The following MAST4 variants were observed in gnomAD, a reference collection of about 807,000 sequenced individuals.
MAST4 encodes microtubule associated serine/threonine kinase family member 4, also known as microtubule-associated serine/threonine-protein kinase 4.
Under a neutral mutation model 162.7 loss-of-function variants are expected in MAST4, and 89 were observed. The observed-to-expected ratio is 0.55, with a 90% confidence interval of 0.46 to 0.65. The LOEUF is 0.65. Among genes scored for constraint, MAST4 ranks in the 30% least tolerant of loss-of-function variants. The pLI, the probability that MAST4 is intolerant of heterozygous loss-of-function variation, is 0.00. For synonymous variants in MAST4, 1,479 were observed against 1,361.1 expected, an observed-to-expected ratio of 1.09 and a Z score of -1.91; for missense variants, 3,153 against 3,374.0, an observed-to-expected ratio of 0.93 and a Z score of 1.62.
Position 67,169,543 on chromosome 5 carries a change from A to G in MAST4, c.*2492A>G, listed in dbSNP as rs1029975974. On this transcript the variant is annotated 3_prime_UTR_variant, in exon 29 of 29. Transcript: ENST00000403625. ...ATAATTGTTGTATATTGAACAAAAT[A>G]TTTATACTTATGCAGTTGCATAACA... 28 of 152,372 alleles carry G rather than the reference A, an allele frequency of 1.8e-4. No individual in the cohort carries two copies. The highest frequency in any genetic ancestry group is 6.0e-4 in the African/African-American group (25 of 41,580). The allele number at this position is 152,372 out of a possible 1,614,324, so 9.4% of individuals were successfully genotyped here.
chr5:66,606,494 C>A (rs539765118), intron 1 of MAST4, among the ~76,000 whole-genome samples: 2 of 152,222 alleles, frequency 1.3e-5, no homozygotes, highest in Admixed American at 6.5e-5. Context: ...AAGTAGTTAT[C>A]TTGATTTCTC....
At chr5:67,084,089 C>T (rs183116123) in intron 5 of MAST4, among the ~76,000 whole-genome samples, 29 of 152,304 alleles carry the variant, frequency 1.9e-4, no homozygotes, top group African/African-American at 6.7e-4. Flanking sequence ...TCCAGAGAAA[C>T]AGCTTCATGA....
intron 5 of MAST4, among the ~76,000 whole-genome samples, chr5:67,073,617 A>T: frequency 6.6e-6 from 1 of 152,318 alleles, no homozygotes; most frequent in Admixed American, 6.5e-5. Context: ...AGTGAGTTGG[A>T]CCTGACCTAC....
chr5:67,085,382 A>C (rs1213506200), intron 5 of MAST4, among the ~76,000 whole-genome samples: 2 of 152,172 alleles, frequency 1.3e-5, no homozygotes, highest in Admixed American at 6.5e-5. Context: ...CTTAAAGCCC[A>C]CTGGCCACAG....
intron 10 of MAST4, among the ~76,000 whole-genome samples, chr5:67,107,993 C>T (rs1249022915): frequency 6.6e-6 from 1 of 152,292 alleles, no homozygotes; most frequent in South Asian, 2.1e-4. Context: ...ATGGGCTAAT[C>T]GTGTCTTTAT....
chr5:66,988,994 A>G (rs994816657), intron 4 of MAST4, among the ~76,000 whole-genome samples: 1 of 152,242 alleles, frequency 6.6e-6, no homozygotes. Context: ...ACAAAAACGT[A>G]TTTGAAAATA....
At chr5:66,986,432 G>A in intron 4 of MAST4, 2 of 1,547,104 alleles carry the variant, frequency 1.3e-6, no homozygotes, top group Non-Finnish European at 1.8e-6. Flanking sequence ...CTTTTTCTCT[G>A]TTTATTTTTA....
intron 1 of MAST4, among the ~76,000 whole-genome samples, chr5:66,611,454 G>A (rs1432547025): frequency 6.6e-6 from 1 of 152,228 alleles, no homozygotes; most frequent in Non-Finnish European, 1.5e-5. Context: ...CTCCTCTCAT[G>A]AGAGGGTTAA....
At chr5:66,601,684 G>A (rs1742558749) in intron 1 of MAST4, among the ~76,000 whole-genome samples, 1 of 151,686 alleles carries the variant, frequency 6.6e-6, no homozygotes. Flanking sequence ...TGAGTTGTTA[G>A]GTGTGGAGGA....
rs1455457027 is a variant in MAST4, at chr5:67,136,634, A to G, written c.2464A>G (p.Arg822Gly). Reference protein sequence around the residue: ...DAQDLITLLLRQNPLERLGTG... With the variant: ...DAQDLITLLLGQNPLERLGTG... ...CCAGGATCTGATTACCTTACTCCTC[A>G]GGCAGAATCCCCTGGAGAGGCTGGG... The change falls in exon 19 of 29, where the codon AGG becomes GGG. Residue 822 changes from arginine to glycine, a missense_variant. By Grantham distance (125) the Arg-to-Gly change is moderately radical. Transcript: ENST00000403625. 2 of 1,603,040 alleles carry G rather than the reference A, an allele frequency of 1.2e-6. No individual in the cohort carries two copies. The highest frequency in any genetic ancestry group is 1.3e-5 in the African/African-American group (1 of 74,752).
intron 3 of MAST4, among the ~76,000 whole-genome samples, chr5:66,875,112 T>C (rs1196168471): frequency 6.6e-6 from 1 of 152,210 alleles, no homozygotes; most frequent in East Asian, 1.9e-4. Context: ...TTCTGGATGG[T>C]AATTAACACC....
rs759939217 is a variant in MAST4, at chr5:67,149,397, T to G, written c.3103T>G (p.Phe1035Val). 4 of 1,612,316 alleles carry G rather than the reference T, an allele frequency of 2.5e-6. No homozygotes were observed. The Admixed American group carries it at 5.0e-5, about 20-fold the overall frequency. ...CCTTCTTCTTTGTACAGTTGGCAGTTTTTCAGAGCACTTGGATCAGATAAA... is the reference window on the plus strand; with the variant it reads ...CCTTCTTCTTTGTACAGTTGGCAGTGTTTCAGAGCACTTGGATCAGATAAA... ...ISSSTLSVGS[F>V]SEHLDQINGR... The change falls in exon 24 of 29, where the codon TTT becomes GTT. Residue 1035 changes from phenylalanine to valine, a missense_variant. Around this residue, in one of 7 missense-constraint regions of MAST4, gnomAD observed 619 missense variants for 744.2 expected, o/e 0.83. Coordinates refer to ENST00000403625, the MANE Select transcript of MAST4 (RefSeq NM_001164664.2).
intron 3 of MAST4, among the ~76,000 whole-genome samples, chr5:66,825,976 T>C (rs557365834): frequency 2.0e-5 from 3 of 152,360 alleles, no homozygotes; most frequent in South Asian, 4.1e-4. Flanking sequence ...ATCCTGATTA[T>C]TACCTGTGAA....
chr5:66,801,792 T>A (rs1389557153), intron 3 of MAST4, among the ~76,000 whole-genome samples: 2 of 152,256 alleles, frequency 1.3e-5, no homozygotes, highest in Non-Finnish European at 2.9e-5. Context: ...AAGCTAATTA[T>A]GTTAATTAGA....
chr5:66,736,610 C>T (rs187937848), intron 1 of MAST4, among the ~76,000 whole-genome samples: 13 of 152,172 alleles, frequency 8.5e-5, no homozygotes, highest in South Asian at 6.2e-4. Context: ...TTTTTTAAGA[C>T]GAAGGTAGAG....
intron 1 of MAST4, among the ~76,000 whole-genome samples, chr5:66,698,248 A>G (rs1436763306): frequency 6.6e-6 from 1 of 152,078 alleles, no homozygotes; most frequent in African/African-American, 2.4e-5. Flanking sequence ...TCTTGGAGAC[A>G]GCTGAGTAAT....
chr5:67,154,381 C>T (rs1254872740), intron 26 of MAST4, among the ~76,000 whole-genome samples: 1 of 152,178 alleles, frequency 6.6e-6, no homozygotes, highest in Non-Finnish European at 1.5e-5. Flanking sequence ...AGAAATAATA[C>T]ACTGAAATGT....
At chr5:67,093,852 C>A (rs1448784098) in intron 6 of MAST4, among the ~76,000 whole-genome samples, 1 of 152,136 alleles carries the variant, frequency 6.6e-6, no homozygotes, top group Non-Finnish European at 1.5e-5. Flanking sequence ...AAAATCATAT[C>A]CTTTTCTTAC....
chr5:66,902,682 CAAGAG>C (rs1466641336), intron 4 of MAST4: 1 of 470,308 alleles, frequency 2.1e-6, no homozygotes, highest in Non-Finnish European at 4.4e-6. Flanking sequence ...GGGTAATAGA[CAAGAG>C]AAGTGAGAGA....
Sources: allele counts gnomAD v4.1 joint callset (sites outside exome capture counted in the v4.1 genomes callset), GRCh38; gene constraint gnomAD v4.1.1; regional missense constraint gnomAD v4.1.1; transcripts MANE v1.5; gene names NCBI Gene and HGNC (gene_info 2026-07-23, HGNC 2026-07-21).